LRCH1: variants seen among roughly 807,000 people sequenced by gnomAD.
The protein encoded by LRCH1 is leucine-rich repeat and calponin homology domain-containing protein 1.
Under a neutral mutation model 94.9 loss-of-function variants are expected in LRCH1, and 23 were observed. The ratio of observed to expected loss-of-function variants is 0.24; its 90% CI spans 0.17 to 0.34. The LOEUF (loss-of-function observed/expected upper bound fraction) is 0.34, where lower values mean the gene tolerates loss of function less well. LRCH1 is among the 10% of genes least tolerant of loss of function. LRCH1 has a pLI of 1.00. For synonymous variants in LRCH1, 364 were observed against 354.9 expected, an observed-to-expected ratio of 1.03 and a Z score of -0.29; for missense variants, 790 against 945.9, an observed-to-expected ratio of 0.84 and a Z score of 2.16.
intron 3 of LRCH1, among the ~76,000 whole-genome samples, chr13:46,669,576 G>A (rs929370166): frequency 7.9e-5 from 12 of 152,078 alleles, no homozygotes. Flanking sequence ...TGATTCTGTC[G>A]AGATTTTAGA....
At chr13:46,710,058 T>C (rs1435892177) in intron 13 of LRCH1, among the ~76,000 whole-genome samples, 5 of 152,238 alleles carry the variant, frequency 3.3e-5, no homozygotes, top group African/African-American at 4.8e-5. Flanking sequence ...GTTGAGTGCC[T>C]GTGCTAGATT....
intron 1 of LRCH1, among the ~76,000 whole-genome samples, chr13:46,620,892 C>T (rs1385201880): frequency 6.6e-6 from 1 of 152,186 alleles, no homozygotes; most frequent in Non-Finnish European, 1.5e-5. Flanking sequence ...CATTACCTTT[C>T]TTGGCTTATG....
chr13:46,704,857 T>C lies in LRCH1; in HGVS notation c.1401-211T>C, dbSNP rs746333265. Among the ~76,000 whole-genome samples, 103 of 152,088 alleles carry C rather than the reference T, an allele frequency of 6.8e-4. 1 individual carries two copies. The highest frequency in any genetic ancestry group is 9.7e-5 in the African/African-American group (4 of 41,430). ...TATATTACAAACAAGTTGGATTGTATTACCAATAGCAGATGGAATATTATA... is the reference window on the plus strand; with the variant it reads ...TATATTACAAACAAGTTGGATTGTACTACCAATAGCAGATGGAATATTATA... On this transcript the variant is annotated intron_variant, in intron 11 of 19. Transcript: ENST00000389797.
intron 1 of LRCH1, among the ~76,000 whole-genome samples, chr13:46,581,728 G>A (rs1442674062): frequency 3.3e-5 from 5 of 152,114 alleles, no homozygotes; most frequent in Admixed American, 2.0e-4. Context: ...GAGAAAAGGC[G>A]GGACAAAAGT....
intron 1 of LRCH1, among the ~76,000 whole-genome samples, chr13:46,604,979 T>A (rs913635323): frequency 3.3e-5 from 5 of 152,238 alleles, no homozygotes; most frequent in African/African-American, 1.2e-4. Context: ...AAAGTCCATC[T>A]GATTGATGCC....
chr13:46,616,743 T>C (rs1329715059), intron 1 of LRCH1, among the ~76,000 whole-genome samples: 1 of 152,228 alleles, frequency 6.6e-6, no homozygotes, highest in Non-Finnish European at 1.5e-5. Context: ...AAACAGGCTT[T>C]GTGTGAGCAA....
At chr13:46,631,855 G>A (rs999397195) in intron 1 of LRCH1, among the ~76,000 whole-genome samples, 2 of 152,004 alleles carry the variant, frequency 1.3e-5, no homozygotes, top group African/African-American at 4.8e-5. Context: ...CTGCGTCTCC[G>A]TTTCCTCTTC....
At chr13:46,591,690 C>T (rs1443693768) in intron 1 of LRCH1, among the ~76,000 whole-genome samples, 1 of 152,174 alleles carries the variant, frequency 6.6e-6, no homozygotes, top group Non-Finnish European at 1.5e-5. Flanking sequence ...TCAGATCAAG[C>T]CTCTTGCCTT....
chr13:46,577,390 ACCTGGCCCC>A (rs2050316028), intron 1 of LRCH1, among the ~76,000 whole-genome samples: 1 of 152,176 alleles, frequency 6.6e-6, no homozygotes, highest in African/African-American at 2.4e-5. Flanking sequence ...GAGCCACTGC[ACCTGGCCCC>A]CAGTTCTTCT....
chr13:46,582,176 A>G (rs2050375803), intron 1 of LRCH1, among the ~76,000 whole-genome samples: 1 of 151,158 alleles, frequency 6.6e-6, no homozygotes, highest in Non-Finnish European at 1.5e-5. Flanking sequence ...AGAAAGAAAG[A>G]AAATGAAGGG....
intron 17 of LRCH1, among the ~76,000 whole-genome samples, chr13:46,724,079 TCTGGG>T (rs1213072710): frequency 6.6e-6 from 1 of 152,146 alleles, no homozygotes; most frequent in Non-Finnish European, 1.5e-5. Context: ...GCCTGTGCCT[TCTGGG>T]CTAAAGTGAT....
intron 16 of LRCH1, among the ~76,000 whole-genome samples, chr13:46,718,256 TTTACA>T (rs1389181137): frequency 6.6e-6 from 1 of 152,234 alleles, no homozygotes; most frequent in Non-Finnish European, 1.5e-5. Flanking sequence ...AATGGACCAG[TTTACA>T]TTAGTCTCTG....
intron 1 of LRCH1, among the ~76,000 whole-genome samples, chr13:46,624,213 C>A (rs887194224): frequency 3.9e-5 from 6 of 152,114 alleles, no homozygotes; most frequent in Non-Finnish European, 7.4e-5. Flanking sequence ...ACCTTTTCTG[C>A]AAGATTGAAT....
chr13:46,716,825 A>G (rs1389441276), intron 16 of LRCH1, among the ~76,000 whole-genome samples: 1 of 152,198 alleles, frequency 6.6e-6, no homozygotes, highest in Non-Finnish European at 1.5e-5. Flanking sequence ...GGCCCTCCTT[A>G]TACCATCCAG....
intron 4 of LRCH1, among the ~76,000 whole-genome samples, chr13:46,684,159 C>G (rs939889808): frequency 2.6e-5 from 4 of 152,054 alleles, no homozygotes; most frequent in African/African-American, 4.8e-5. Flanking sequence ...ATTAAAATAG[C>G]CATTCATTGC....
intron 3 of LRCH1, among the ~76,000 whole-genome samples, chr13:46,672,972 T>A (rs1001569496): frequency 1.3e-5 from 2 of 152,230 alleles, no homozygotes; most frequent in Non-Finnish European, 2.9e-5. Context: ...AAATATAATG[T>A]AAGCAGTAAA....
intron 3 of LRCH1, among the ~76,000 whole-genome samples, chr13:46,677,070 G>A (rs530987946): frequency 9.2e-5 from 14 of 151,942 alleles, no homozygotes; most frequent in East Asian, 5.8e-4. Flanking sequence ...ATGAAACATC[G>A]TGCCCGGCCT....
chr13:46,682,343 A>G (rs1190709662), intron 4 of LRCH1, among the ~76,000 whole-genome samples: 6 of 152,094 alleles, frequency 3.9e-5, no homozygotes, highest in Admixed American at 3.9e-4. Context: ...AAGGACACCA[A>G]GGATTAGAGC....
At position 46,741,804 on chromosome 13, in the gene LRCH1, G is replaced by T. The variant is rs762167683; in HGVS notation, c.2248G>T (p.Val750Leu). The change falls in exon 20 of 20, where the codon GTG (valine) becomes TTG (leucine). Residue 750 changes from valine to leucine, a missense_variant. This residue lies in a region of LRCH1 where 460 missense variants were observed against 508.9 expected (regional missense o/e 0.90). Coordinates refer to ENST00000389797, the MANE Select transcript of LRCH1 (RefSeq NM_001164211.2). ...CTGTCTTGTCCATATTCTCTTTATA[G>T]TGCTGGTCTATATCACTTACCACTG... ...GFCLVHILFI[V>L]LVYITYHWNA... 2.5e-6 allele frequency: 4 copies of T among 1,614,042 alleles called. No homozygotes were observed. In the African/African-American group the frequency reaches 5.3e-5, roughly 22 times the overall value.
Sources: allele counts gnomAD v4.1 joint callset (sites outside exome capture counted in the v4.1 genomes callset), GRCh38; gene constraint gnomAD v4.1.1; regional missense constraint gnomAD v4.1.1; transcripts MANE v1.5; gene names NCBI Gene and HGNC (gene_info 2026-07-23, HGNC 2026-07-21).